The following TENM2 variants were observed in gnomAD, a reference collection of about 807,000 sequenced individuals.
The protein encoded by TENM2 is teneurin transmembrane protein 2.
In TENM2, 52 loss-of-function variants were observed where a neutral mutation model predicts 245.2. The observed-to-expected ratio is 0.21, with a 90% confidence interval of 0.17 to 0.27. The LOEUF (loss-of-function observed/expected upper bound fraction) is 0.27. Among genes scored for constraint, TENM2 ranks in the 10% least tolerant of loss-of-function variants. The pLI, the probability that TENM2 is intolerant of heterozygous loss-of-function variation, is 1.00. For synonymous variants in TENM2, 1,363 were observed against 1,438.9 expected (o/e 0.95, Z 1.19); for missense variants, 3,046 against 3,666.8 (o/e 0.83, Z 4.37).
At chr5:168,069,373 C>T (rs761598439) in intron 7 of TENM2, among the ~76,000 whole-genome samples, 44 of 152,150 alleles carry the variant, frequency 2.9e-4, no homozygotes, top group African/African-American at 4.8e-5. Context: ...CTAAAATGTT[C>T]ATTGAAGCCC....
At chr5:167,582,611 T>C (rs1301457265) in intron 2 of TENM2, among the ~76,000 whole-genome samples, 19 of 152,218 alleles carry the variant, frequency 1.2e-4, no homozygotes, top group Admixed American at 1.2e-3. Flanking sequence ...ATGTCATTCT[T>C]GTTCCTGAAA....
At chr5:168,057,824 T>A (rs1034423391) in intron 6 of TENM2, among the ~76,000 whole-genome samples, 1 of 152,230 alleles carries the variant, frequency 6.6e-6, no homozygotes, top group African/African-American at 2.4e-5. Context: ...GTTTACATGT[T>A]GTCAGGTTCT....
At chr5:167,640,861 ATATAT>A in intron 2 of TENM2, among the ~76,000 whole-genome samples, 1 of 4,076 alleles carries the variant, frequency 2.5e-4, no homozygotes, top group Non-Finnish European at 3.9e-4. Context: ...ATATATATCC[ATATAT>A]ATATATATAT....
intron 2 of TENM2, among the ~76,000 whole-genome samples, chr5:167,379,192 A>G (rs1425315580): frequency 6.6e-6 from 1 of 152,202 alleles, no homozygotes; most frequent in Non-Finnish European, 1.5e-5. Context: ...AAATGCATTT[A>G]TAAAACAAGC....
At chr5:167,806,454 G>A (rs1162891115) in intron 2 of TENM2, among the ~76,000 whole-genome samples, 1 of 152,108 alleles carries the variant, frequency 6.6e-6, no homozygotes, top group Non-Finnish European at 1.5e-5. Flanking sequence ...CTTCAGACAT[G>A]TTAGATTTCA....
chr5:167,546,261 C>T (rs1772553364), intron 2 of TENM2, among the ~76,000 whole-genome samples: 1 of 152,170 alleles, frequency 6.6e-6, no homozygotes, highest in South Asian at 2.1e-4. Flanking sequence ...TGTTGTGGGG[C>T]TACACATAGC....
At chr5:167,667,264 G>A (rs1208799696) in intron 2 of TENM2, among the ~76,000 whole-genome samples, 1 of 152,106 alleles carries the variant, frequency 6.6e-6, no homozygotes, top group Non-Finnish European at 1.5e-5. Flanking sequence ...AAGAATCTCT[G>A]TATTGGTGTT....
chr5:167,958,287 G>T (rs1780718831), intron 4 of TENM2, among the ~76,000 whole-genome samples: 1 of 152,114 alleles, frequency 6.6e-6, no homozygotes, highest in South Asian at 2.1e-4. Context: ...CAGAGACTAG[G>T]ATTGCAACCT....
At chr5:167,362,449 A>G (rs1448811157) in intron 1 of TENM2, among the ~76,000 whole-genome samples, 1 of 152,230 alleles carries the variant, frequency 6.6e-6, no homozygotes, top group Non-Finnish European at 1.5e-5. Context: ...TGCTATACAT[A>G]TATTCACCTG....
chr5:167,562,036 A>G (rs1045414858), intron 2 of TENM2, among the ~76,000 whole-genome samples: 1 of 152,124 alleles, frequency 6.6e-6, no homozygotes, highest in Non-Finnish European at 1.5e-5. Flanking sequence ...AGAGATGGTG[A>G]GCGTGGAGGG....
At chr5:167,257,845 G>A in the TENM2 span, among the ~76,000 whole-genome samples, 1 of 152,034 alleles carries the variant, frequency 6.6e-6, no homozygotes, top group African/African-American at 2.4e-5. Context: ...ACAAAAAGGA[G>A]CTAGAAGTGG....
At chr5:167,567,396 T>G (rs1202634012) in intron 2 of TENM2, among the ~76,000 whole-genome samples, 2 of 152,158 alleles carry the variant, frequency 1.3e-5, no homozygotes, top group Non-Finnish European at 2.9e-5. Flanking sequence ...TCCACAATGT[T>G]CTTTCATATC....
At chr5:167,951,838 G>A (rs765129669) in intron 3 of TENM2, among the ~76,000 whole-genome samples, 1 of 150,914 alleles carries the variant, frequency 6.6e-6, no homozygotes, top group East Asian at 1.9e-4. Flanking sequence ...ACATACATAC[G>A]CAAATATGTG....
At chr5:167,567,514 A>G (rs1773983836) in intron 2 of TENM2, among the ~76,000 whole-genome samples, 1 of 152,150 alleles carries the variant, frequency 6.6e-6, no homozygotes, top group Admixed American at 6.6e-5. Context: ...TCTCTCTCTG[A>G]GGATTAGCTG....
At chr5:167,421,991 C>T (rs555948766) in intron 2 of TENM2, among the ~76,000 whole-genome samples, 4 of 152,198 alleles carry the variant, frequency 2.6e-5, no homozygotes, top group South Asian at 4.1e-4. Context: ...GGAGTTTCAC[C>T]ATCTTGGCCA....
intron 26 of TENM2, among the ~76,000 whole-genome samples, chr5:168,245,565 G>A (rs1766478900): frequency 7.5e-6 from 1 of 133,432 alleles, no homozygotes; most frequent in African/African-American, 2.8e-5. Context: ...TCAGGTTGGA[G>A]TGGCGGTAAA....
At chr5:167,023,822 T>C in the TENM2 span, among the ~76,000 whole-genome samples, 1 of 152,158 alleles carries the variant, frequency 6.6e-6, no homozygotes, top group Non-Finnish European at 1.5e-5. Flanking sequence ...AGTCTATAAG[T>C]CTAGATTCAG....
At chr5:168,035,496 CAAAA>C (rs397949588) in intron 5 of TENM2, among the ~76,000 whole-genome samples, 2 of 69,228 alleles carry the variant, frequency 2.9e-5, no homozygotes, top group Admixed American at 1.6e-4. Flanking sequence ...GACCCTGTCT[CAAAA>C]AAAAAAAAAA....
At chr5:166,990,708 C>T in the TENM2 span, among the ~76,000 whole-genome samples, 1 of 152,100 alleles carries the variant, frequency 6.6e-6, no homozygotes, top group Non-Finnish European at 1.5e-5. Flanking sequence ...AATAAATGTC[C>T]ACTAAACTTA....
Sources: allele counts gnomAD v4.1 joint callset (sites outside exome capture counted in the v4.1 genomes callset), GRCh38; gene constraint gnomAD v4.1.1; transcripts MANE v1.5; gene names NCBI Gene and HGNC (gene_info 2026-07-23, HGNC 2026-07-21).